Variants in RTL9 observed in about 807,000 individuals in gnomAD.
RTL9 encodes retrotransposon Gag like 9.
In RTL9, 19 loss-of-function variants were observed where a neutral mutation model predicts 44.7. That is an observed-to-expected ratio of 0.42 (90% CI 0.30 to 0.62). The LOEUF (loss-of-function observed/expected upper bound fraction) is 0.62, where lower values mean the gene tolerates loss of function less well. Ranked by LOEUF, RTL9 falls within the 20% of genes least tolerant of loss-of-function variation. The pLI is 0.16. For synonymous variants in RTL9, 407 were observed against 398.9 expected, an observed-to-expected ratio of 1.02 and a Z score of -0.24; for missense variants, 1,105 against 1,080.6, an observed-to-expected ratio of 1.02 and a Z score of -0.32.
intron 1 of RTL9, among the ~76,000 whole-genome samples, chrX:110,386,188 T>C (rs1448732618): frequency 1.8e-5 from 2 of 111,011 alleles, no homozygotes; most frequent in African/African-American, 6.5e-5. Context: ...CTATGTTTAA[T>C]GGTTTGAGGA....
chrX:110,360,889 C>G (rs1024271992), intron 1 of RTL9, among the ~76,000 whole-genome samples: 2 of 111,551 alleles, frequency 1.8e-5, no homozygotes, highest in African/African-American at 6.5e-5. Context: ...GGACTGACTT[C>G]TGGAGTTGAA....
chrX:110,434,020 C>G (rs1376030949), intron 1 of RTL9, among the ~76,000 whole-genome samples: 1 of 111,293 alleles, frequency 9.0e-6, no homozygotes, highest in Non-Finnish European at 1.9e-5. Context: ...AGGAACGTAT[C>G]TGGGGAAGTT....
chrX:110,408,316 T>G (rs1184818192), intron 1 of RTL9, among the ~76,000 whole-genome samples: 2 of 111,922 alleles, frequency 1.8e-5, no homozygotes, highest in Non-Finnish European at 3.8e-5. Flanking sequence ...CTGGTGGCTC[T>G]CAACTGAGAC....
upstream of RTL9, among the ~76,000 whole-genome samples, chrX:110,446,040 T>C (rs1430507519): frequency 9.0e-6 from 1 of 111,580 alleles, no homozygotes; most frequent in Non-Finnish European, 1.9e-5. Flanking sequence ...AACCCTGGGG[T>C]GACCAGTGCT....
chrX:110,399,097 C>G (rs1287241476), intron 1 of RTL9, among the ~76,000 whole-genome samples: 1 of 112,149 alleles, frequency 8.9e-6, no homozygotes, highest in Non-Finnish European at 1.9e-5. Flanking sequence ...GACTCATGGT[C>G]TCTTGTTCTT....
chrX:110,407,111 C>T (rs1257447298), intron 1 of RTL9, among the ~76,000 whole-genome samples: 1 of 112,198 alleles, frequency 8.9e-6, no homozygotes, highest in Non-Finnish European at 1.9e-5. Context: ...GTCACCTTTG[C>T]AGACAATTCT....
upstream of RTL9, among the ~76,000 whole-genome samples, chrX:110,445,891 C>T (rs993308899): frequency 9.0e-6 from 1 of 111,497 alleles, no homozygotes; most frequent in Non-Finnish European, 1.9e-5. Context: ...GAAGGCCTCT[C>T]TTCTCTGTGT....
intron 1 of RTL9, among the ~76,000 whole-genome samples, chrX:110,420,199 T>A (rs1362984998): frequency 4.5e-5 from 5 of 112,054 alleles, no homozygotes; most frequent in Non-Finnish European, 9.4e-5. Context: ...CAGGGGTTTG[T>A]TTACTTGTCT....
chrX:110,433,606 C>T (rs988913434), intron 1 of RTL9, among the ~76,000 whole-genome samples: 1 of 111,740 alleles, frequency 8.9e-6, no homozygotes, highest in Admixed American at 9.5e-5. Flanking sequence ...AATATATACA[C>T]CCAAACACAT....
chrX:110,360,364 C>A (rs2068255421), intron 1 of RTL9, among the ~76,000 whole-genome samples: 1 of 111,636 alleles, frequency 9.0e-6, no homozygotes, highest in Non-Finnish European at 1.9e-5. Flanking sequence ...ATGCATAGCA[C>A]TGTTTTAGAA....
intron 1 of RTL9, among the ~76,000 whole-genome samples, chrX:110,426,214 G>A (rs146167287): frequency 8.9e-6 from 1 of 112,333 alleles, no homozygotes; most frequent in African/African-American, 3.2e-5. Context: ...ATTAATCATC[G>A]ATTCAGCCAG....
At chrX:110,451,910 T>G (rs772817370) in exon 1 of RTL9, 1 of 1,210,340 alleles carries the variant, frequency 8.3e-7, no homozygotes, top group Non-Finnish European at 1.1e-6. Flanking sequence ...AAAAGACAGT[T>G]CCAGCCTCTG....
intron 1 of RTL9, among the ~76,000 whole-genome samples, chrX:110,399,672 G>A (rs1356915320): frequency 1.8e-5 from 2 of 111,498 alleles, no homozygotes; most frequent in Admixed American, 1.9e-4. Flanking sequence ...CTCATTGTGC[G>A]GCTAGCCTGC....
At chrX:110,367,998 A>ATTC (rs1370608793) in intron 1 of RTL9, among the ~76,000 whole-genome samples, 1 of 102,495 alleles carries the variant, frequency 9.8e-6, no homozygotes, top group African/African-American at 3.5e-5. Flanking sequence ...TATTATTATT[A>ATTC]TTATTATTAT....
At chrX:110,360,757 G>A (rs1339118008) in intron 1 of RTL9, among the ~76,000 whole-genome samples, 1 of 111,194 alleles carries the variant, frequency 9.0e-6, no homozygotes, top group Non-Finnish European at 1.9e-5. Flanking sequence ...CCAGTTAGGA[G>A]GCTATTGTAA....
chrX:110,410,743 T>C (rs965763863), intron 1 of RTL9, among the ~76,000 whole-genome samples: 2 of 111,289 alleles, frequency 1.8e-5, no homozygotes, highest in Admixed American at 9.5e-5. Flanking sequence ...TTGGTGGTGA[T>C]GTAGTCACCT....
exon 1 of RTL9, chrX:110,453,275 A>G (rs1360764162): frequency 1.7e-6 from 2 of 1,210,906 alleles, no homozygotes; most frequent in Non-Finnish European, 2.2e-6. Flanking sequence ...ACATGTGCAC[A>G]CTACCAGTGC....
chrX:110,439,208 G>C (rs779685868), intron 1 of RTL9, among the ~76,000 whole-genome samples: 1 of 111,818 alleles, frequency 8.9e-6, no homozygotes, highest in African/African-American at 3.3e-5. Flanking sequence ...CTGACAAGCC[G>C]GCCAGAGACA....
chrX:110,451,425 T>C (rs1409792971), exon 1 of RTL9: 1 of 1,211,647 alleles, frequency 8.3e-7, no homozygotes, highest in Admixed American at 2.2e-5. Flanking sequence ...AGCAATATCC[T>C]CACTGATAAT....
Sources: allele counts gnomAD v4.1 joint callset (sites outside exome capture counted in the v4.1 genomes callset), GRCh38; gene constraint gnomAD v4.1.1; transcripts MANE v1.5; gene names NCBI Gene and HGNC (gene_info 2026-07-23, HGNC 2026-07-21).